ATP6V0D1: variants seen among roughly 807,000 people sequenced by gnomAD.
The protein encoded by ATP6V0D1 is ATPase H+ transporting V0 subunit d1.
Under a neutral mutation model 39.0 loss-of-function variants are expected in ATP6V0D1, and 13 were observed. That is an observed-to-expected ratio of 0.33 (90% confidence interval 0.22 to 0.53). The LOEUF (loss-of-function observed/expected upper bound fraction) is 0.53, where lower values mean the gene tolerates loss of function less well. Among genes scored for constraint, ATP6V0D1 ranks in the 20% least tolerant of loss-of-function variants. The pLI is 0.94. For missense variants in ATP6V0D1, 272 were observed against 470.9 expected, an observed-to-expected ratio of 0.58 and a Z score of 3.91; for synonymous variants, 191 against 191.2, an observed-to-expected ratio of 1.00 and a Z score of 0.01.
chr16:67,468,573 G>C (rs1327760892), intron 1 of ATP6V0D1, among the ~76,000 whole-genome samples: 1 of 148,192 alleles, frequency 6.7e-6, no homozygotes, highest in Admixed American at 6.8e-5. Flanking sequence ...GGGCAACAGA[G>C]CAAGACCCAG....
chr16:67,452,418 G>A, intron 2 of ATP6V0D1: 1 of 1,534,850 alleles, frequency 6.5e-7, no homozygotes, highest in Non-Finnish European at 8.7e-7. Context: ...CTGGGCAAGT[G>A]GCTCCTAACT....
intron 1 of ATP6V0D1, among the ~76,000 whole-genome samples, chr16:67,470,378 A>T (rs541798272): frequency 6.6e-6 from 1 of 152,388 alleles, no homozygotes; most frequent in East Asian, 1.9e-4. Context: ...ACCATGCCCC[A>T]GCATCATGCA....
intron 1 of ATP6V0D1, among the ~76,000 whole-genome samples, chr16:67,476,853 T>C (rs1361607787): frequency 6.6e-6 from 1 of 151,600 alleles, no homozygotes; most frequent in African/African-American, 2.4e-5. Context: ...CTGGGCAACA[T>C]GGTGAAACCC....
chr16:67,460,378 A>G (rs1222956028), intron 1 of ATP6V0D1, among the ~76,000 whole-genome samples: 1 of 152,066 alleles, frequency 6.6e-6, no homozygotes, highest in East Asian at 1.9e-4. Flanking sequence ...TAGGCTCAGG[A>G]GTGGGAGGAG....
chr16:67,455,178 G>A (rs2041225378), intron 1 of ATP6V0D1: 1 of 152,118 alleles, frequency 6.6e-6, no homozygotes, highest in Admixed American at 6.5e-5. Context: ...GCTGCACTTG[G>A]GACCACCTCC....
chr16:67,469,116 T>C (rs1202088558), intron 1 of ATP6V0D1, among the ~76,000 whole-genome samples: 1 of 152,164 alleles, frequency 6.6e-6, no homozygotes, highest in Non-Finnish European at 1.5e-5. Context: ...GAGACCAGCC[T>C]GACCAACATG....
chr16:67,460,694 T>C (rs1300483200), intron 1 of ATP6V0D1, among the ~76,000 whole-genome samples: 1 of 151,976 alleles, frequency 6.6e-6, no homozygotes, highest in African/African-American at 2.4e-5. Flanking sequence ...CCATTCCCCA[T>C]CCGGAACCTT....
intron 1 of ATP6V0D1, among the ~76,000 whole-genome samples, chr16:67,472,084 T>A (rs2041378031): frequency 6.6e-6 from 1 of 152,134 alleles, no homozygotes; most frequent in Non-Finnish European, 1.5e-5. Flanking sequence ...CTAGCCTCCA[T>A]TCCTGCTCTG....
intron 2 of ATP6V0D1, among the ~76,000 whole-genome samples, chr16:67,448,423 G>C (rs771922295): frequency 6.6e-6 from 1 of 152,138 alleles, no homozygotes; most frequent in South Asian, 2.1e-4. Flanking sequence ...ACTTTGGGAG[G>C]CCGAGGAGGG....
intron 4 of ATP6V0D1, among the ~76,000 whole-genome samples, chr16:67,441,938 G>C (rs929001623): frequency 2.0e-5 from 3 of 152,180 alleles, no homozygotes; most frequent in Admixed American, 6.5e-5. Flanking sequence ...CTGCCCACGG[G>C]ACTATGTTCA....
intron 1 of ATP6V0D1, among the ~76,000 whole-genome samples, chr16:67,477,447 C>A (rs1387431890): frequency 6.6e-6 from 1 of 152,050 alleles, no homozygotes; most frequent in Non-Finnish European, 1.5e-5. Flanking sequence ...ATACTCATGA[C>A]TTTTTTCAGA....
intron 2 of ATP6V0D1, among the ~76,000 whole-genome samples, chr16:67,452,066 T>C (rs147138111): frequency 3.5e-4 from 53 of 152,348 alleles, no homozygotes; most frequent in Admixed American, 3.5e-3. Flanking sequence ...GCTCTAGCAA[T>C]AAATGTACTG....
chr16:67,472,755 AGCTACTCGGGAG>A (rs1262857349), intron 1 of ATP6V0D1, among the ~76,000 whole-genome samples: 1 of 152,116 alleles, frequency 6.6e-6, no homozygotes, highest in Non-Finnish European at 1.5e-5. Flanking sequence ...CTGTAGTGCC[AGCTACTCGGGAG>A]GCTGAGGCAG....
chr16:67,457,627 G>T, intron 1 of ATP6V0D1: 1 of 1,289,426 alleles, frequency 7.8e-7, no homozygotes, highest in Admixed American at 2.3e-5. Context: ...AGTCCCTCTG[G>T]CATCCCTTGT....
chr16:67,453,394 C>T lies in ATP6V0D1; in HGVS notation c.302+150G>A, dbSNP rs1490460167. On this transcript the variant is annotated intron_variant, in intron 2 of 7. Coordinates refer to ENST00000290949, the MANE Select transcript of ATP6V0D1 (RefSeq NM_004691.5). The surrounding 1 kb of genome is among the most constrained non-coding windows in gnomAD (Gnocchi z 4.1). ...TCAGGGAGGACTCTGAAGGTAGGGT[C>T]CTGGGACACCTGGCCTGACAGAGCT... is the stretch of plus-strand genomic sequence containing the variant. The T allele has an allele frequency of 2.3e-5, 21 of 905,318 alleles. No homozygotes were observed. The highest frequency in any genetic ancestry group is 3.4e-4 in the Middle Eastern group (1 of 2,950). 56.1% of individuals were successfully genotyped at this position (905,318 alleles called of 1,614,324 possible). A position where few individuals can be genotyped will look rare whatever the true frequency, so the allele number is the denominator to read the frequency against.
chr16:67,477,077 A>C (rs1271532247), intron 1 of ATP6V0D1, among the ~76,000 whole-genome samples: 1 of 137,308 alleles, frequency 7.3e-6, no homozygotes, highest in Non-Finnish European at 1.6e-5. Context: ...AAGTATTTAC[A>C]AAAAAAAAAA....
At chr16:67,474,357 ATCAG>A (rs2041398623) in intron 1 of ATP6V0D1, among the ~76,000 whole-genome samples, 1 of 152,226 alleles carries the variant, frequency 6.6e-6, no homozygotes, top group Non-Finnish European at 1.5e-5. Context: ...CTGCGCTGGG[ATCAG>A]TCCATCAGTA....
intron 2 of ATP6V0D1, among the ~76,000 whole-genome samples, chr16:67,448,250 G>C (rs1260484713): frequency 6.6e-6 from 1 of 151,700 alleles, no homozygotes; most frequent in Non-Finnish European, 1.5e-5. Flanking sequence ...CACTTGGGAG[G>C]CTGAGGCAGG....
At chr16:67,445,192 T>A (rs1010387379) in intron 2 of ATP6V0D1, among the ~76,000 whole-genome samples, 1 of 152,124 alleles carries the variant, frequency 6.6e-6, no homozygotes, top group Non-Finnish European at 1.5e-5. Flanking sequence ...GGAACTGGCA[T>A]GGTCAGGACT....
Sources: allele counts gnomAD v4.1 joint callset (sites outside exome capture counted in the v4.1 genomes callset), GRCh38; gene constraint gnomAD v4.1.1; non-coding constraint Gnocchi (gnomAD v3.1); transcripts MANE v1.5; gene names NCBI Gene and HGNC (gene_info 2026-07-23, HGNC 2026-07-21).